The following FER variants were observed in gnomAD, a reference collection of about 807,000 sequenced individuals.
FER encodes tyrosine-protein kinase Fer.
Under a neutral mutation model 111.0 loss-of-function variants are expected in FER, and 63 were observed. The ratio of observed to expected loss-of-function variants is 0.57; its 90% confidence interval spans 0.46 to 0.70. The LOEUF (loss-of-function observed/expected upper bound fraction) is 0.70. Among genes scored for constraint, FER ranks in the 30% least tolerant of loss-of-function variants. FER has a pLI of 0.00. For missense variants in FER, 914 were observed against 954.0 expected (o/e 0.96, Z 0.55); for synonymous variants, 327 against 313.9 (o/e 1.04, Z -0.44).
At chr5:109,024,325 C>T (rs577397354) in intron 13 of FER, among the ~76,000 whole-genome samples, 9 of 152,280 alleles carry the variant, frequency 5.9e-5, no homozygotes, top group African/African-American at 2.2e-4. Flanking sequence ...AATGACACCA[C>T]TGTGTATTCC....
rs574341889 is a variant in FER, at chr5:108,769,641, G to GT, written c.-60+1411dup. ...GGATGAATTTGAGATGCATTTTTGT[G>GT]TTTTTTTTAGACAGAACTCATAGGA... is the stretch of plus-strand genomic sequence containing the variant. On this transcript the variant is annotated intron_variant, in intron 2 of 19. Transcript: ENST00000281092. 8.6e-5 allele frequency among the ~76,000 whole-genome samples: 13 copies of GT among 151,864 alleles called. No homozygotes were observed. The East Asian group carries it at 9.7e-4, about 11-fold the overall frequency.
intron 9 of FER, among the ~76,000 whole-genome samples, chr5:108,895,399 A>G (rs1173892128): frequency 9.2e-5 from 14 of 152,230 alleles, no homozygotes; most frequent in Admixed American, 6.5e-5. Context: ...GTCACAAGTC[A>G]GAAATCAGTT....
chr5:108,881,176 G>A (rs1171015763), intron 8 of FER, among the ~76,000 whole-genome samples: 1 of 152,078 alleles, frequency 6.6e-6, no homozygotes, highest in South Asian at 2.1e-4. Context: ...TATTGTATTA[G>A]TCTGTTTGGA....
At chr5:109,057,491 A>G (rs961003346) in intron 16 of FER, among the ~76,000 whole-genome samples, 2 of 151,670 alleles carry the variant, frequency 1.3e-5, no homozygotes, top group African/African-American at 4.8e-5. Context: ...ACTTTATACA[A>G]ATTTTATTTT....
In FER at chr5:109,188,544, C is replaced by CAGAGT. The variant is rs995144491; in HGVS notation, c.*971_*975dup. 2.0e-5 allele frequency: 3 copies of CAGAGT among 152,014 alleles called. No homozygotes were observed. Among genetic ancestry groups the CAGAGT allele is most frequent in the African/African-American group, 7.3e-5 (3 of 41,370 alleles). 9.4% of individuals were successfully genotyped at this position (152,014 alleles called of 1,614,324 possible). A position where few individuals can be genotyped will look rare whatever the true frequency, so the allele number is the denominator to read the frequency against. ...AACAGAGCAGCTAAAGAATGATTAA[C>CAGAGT]AGAGTAAAGAAGAAAGTGAAAATAT... On this transcript the variant is annotated 3_prime_UTR_variant, in exon 20 of 20. Transcript: ENST00000281092.
At chr5:108,817,103 CAAAAAAAAAAAAAAAAAAAAA>C (rs70999913) in intron 3 of FER, among the ~76,000 whole-genome samples, 1 of 59,202 alleles carries the variant, frequency 1.7e-5, no homozygotes, top group South Asian at 9.0e-4. Context: ...GACACTGTCT[CAAAAAAAAAAAAAAAAAAAAA>C]AAAAAAAAAA....
chr5:108,858,766 A>AT (rs75243334), intron 5 of FER, among the ~76,000 whole-genome samples: 2,802 of 124,674 alleles, frequency 0.022, 56 homozygotes, highest in East Asian at 0.11. Context: ...CAGTTTTTTC[A>AT]TTTTTTTTTT....
chr5:109,068,743 A>C (rs916647403), intron 16 of FER, among the ~76,000 whole-genome samples: 3 of 152,242 alleles, frequency 2.0e-5, no homozygotes, highest in Non-Finnish European at 4.4e-5. Flanking sequence ...TCAAAGGGTT[A>C]AATGAAATAA....
chr5:109,176,085 T>C (rs947558138), intron 17 of FER, among the ~76,000 whole-genome samples: 2 of 152,036 alleles, frequency 1.3e-5, no homozygotes, highest in Non-Finnish European at 1.5e-5. Context: ...ATATATATTA[T>C]GGAAAACAGT....
intron 9 of FER, among the ~76,000 whole-genome samples, chr5:108,892,844 A>G (rs1748358853): frequency 1.3e-5 from 2 of 152,166 alleles, no homozygotes; most frequent in South Asian, 2.1e-4. Context: ...TAATTTCTGT[A>G]TAAGGTGTAA....
At chr5:108,944,608 A>G (rs542776576) in intron 10 of FER, among the ~76,000 whole-genome samples, 6 of 152,086 alleles carry the variant, frequency 3.9e-5, no homozygotes, top group African/African-American at 1.4e-4. Flanking sequence ...GCACAGTCTG[A>G]TGTGTTATTA....
chr5:109,055,781 A>G (rs114686714), intron 16 of FER, among the ~76,000 whole-genome samples: 2,535 of 132,524 alleles, frequency 0.019, 42 homozygotes, highest in Middle Eastern at 0.041. Context: ...ACAGAGTGAA[A>G]CCTTGTCTCA....
chr5:109,078,976 C>T (rs896062586), intron 16 of FER, among the ~76,000 whole-genome samples: 1 of 152,124 alleles, frequency 6.6e-6, no homozygotes, highest in Non-Finnish European at 1.5e-5. Flanking sequence ...GCATTCACTT[C>T]TATTTGTTCT....
At chr5:109,148,264 A>G (rs1488012069) in intron 17 of FER, among the ~76,000 whole-genome samples, 1 of 152,158 alleles carries the variant, frequency 6.6e-6, no homozygotes. Context: ...CTGACAGTTT[A>G]GATATAGGAG....
intron 17 of FER, among the ~76,000 whole-genome samples, chr5:109,150,100 G>T (rs1754659979): frequency 6.6e-6 from 1 of 152,090 alleles, no homozygotes; most frequent in South Asian, 2.1e-4. Context: ...CCTGTTTGTG[G>T]AAAAACTGCC....
chr5:108,833,701 C>T lies in FER; in HGVS notation c.381+758C>T, dbSNP rs141021466. ...CATCCTGGCTAACAGGGTGAAACCC[C>T]GTCTCTACTAAAAATACAAAAAATT... On this transcript the variant is annotated intron_variant, in intron 4 of 19. Coordinates refer to ENST00000281092, the MANE Select transcript of FER (RefSeq NM_005246.4). Among the ~76,000 whole-genome samples the T allele has an allele frequency of 4.9e-3, 746 of 152,004 alleles. 6 individuals are homozygous for T. The highest frequency in any genetic ancestry group is 0.017 in the African/African-American group (694 of 41,480).
At chr5:109,177,385 A>T (rs557277783) in intron 17 of FER, 60 of 152,128 alleles carry the variant, frequency 3.9e-4, no homozygotes, top group African/African-American at 1.4e-3. Flanking sequence ...TTGTGGCTCA[A>T]TATTATCCAG....
chr5:109,044,720 A>G lies in FER; in HGVS notation c.1754A>G (p.Lys585Arg), dbSNP rs139628994. ...GTATATAAGGGCACATTAAAGGATA[A>G]AACTTCTGTTGCTGTTAAAACATGT... is the stretch of plus-strand genomic sequence containing the variant. Reference protein sequence around the residue: ...GEVYKGTLKDKTSVAVKTCKE... With the variant: ...GEVYKGTLKDRTSVAVKTCKE... The change falls in exon 15 of 20, where the codon AAA becomes AGA. Residue 585 changes from lysine (K) to arginine (R), a missense_variant. By Grantham distance (26) the Lys-to-Arg change is conservative. Coordinates refer to ENST00000281092, the MANE Select transcript of FER (RefSeq NM_005246.4). 1.8e-4 allele frequency: 289 copies of G among 1,588,238 alleles called. No individual in the cohort carries two copies. The highest frequency in any genetic ancestry group is 2.2e-4 in the Non-Finnish European group (256 of 1,170,360).
chr5:109,174,979 A>G (rs1013329405), intron 17 of FER, among the ~76,000 whole-genome samples: 12 of 152,158 alleles, frequency 7.9e-5, no homozygotes, highest in Middle Eastern at 3.2e-3. Flanking sequence ...TTTATCATCT[A>G]TAGGAATGGA....
Sources: gnomAD v4.1 joint callset for allele counts (sites outside exome capture counted in the v4.1 genomes callset) on GRCh38, gnomAD v4.1.1 for gene constraint, MANE v1.5 for transcripts, NCBI Gene and HGNC (gene_info 2026-07-23, HGNC 2026-07-21) for gene names.